TANC1: variants seen among roughly 807,000 people sequenced by gnomAD.
The protein encoded by TANC1 is tetratricopeptide repeat, ankyrin repeat and coiled-coil containing 1, also known as protein TANC1.
Under a neutral mutation model 149.7 loss-of-function variants are expected in TANC1, and 77 were observed. That is an observed-to-expected ratio of 0.51 (90% CI 0.43 to 0.62). The LOEUF (loss-of-function observed/expected upper bound fraction) is 0.62. TANC1 is among the 20% of genes least tolerant of loss of function. TANC1 has a pLI of 0.00. For synonymous variants in TANC1, 854 were observed against 925.0 expected (o/e 0.92, Z 1.39); for missense variants, 1,985 against 2,321.8 (o/e 0.85, Z 2.98).
intron 3 of TANC1, among the ~76,000 whole-genome samples, chr2:159,082,326 T>G (rs1434072363): frequency 6.6e-6 from 1 of 151,792 alleles, no homozygotes; most frequent in African/African-American, 2.4e-5. Context: ...GTCAGCAGAT[T>G]AAGTATTTTG....
chr2:159,106,212 C>G (rs573020169), intron 4 of TANC1, among the ~76,000 whole-genome samples: 19 of 152,144 alleles, frequency 1.2e-4, no homozygotes, highest in Non-Finnish European at 2.2e-4. Context: ...GTGCAACCAT[C>G]CCCACAGTCT....
Position 159,174,955 on chromosome 2 carries a change from G to A in TANC1, c.1506G>A (p.Val502=), listed in dbSNP as rs765633499. 1.2e-6 allele frequency: 2 copies of A among 1,613,488 alleles called. No individual in the cohort carries two copies. Among genetic ancestry groups the A allele is most frequent in the East Asian group, 2.2e-5 (1 of 44,880 alleles). ...CTGACGGTTCTGCTTCCCCCTAGGT[G>A]GTGGCCTACCACTACTGCCAGGCTG... ...EDAVKYLASK[V]VAYHYCQADN... is the part of the protein sequence containing the mutation. Residue 502 remains valine (V), a splice_region_variant and synonymous_variant, in exon 12 of 27, where the codon GTG becomes GTA. Transcript: ENST00000263635.
At chr2:159,120,117 C>T (rs2048695462) in intron 4 of TANC1, among the ~76,000 whole-genome samples, 1 of 152,186 alleles carries the variant, frequency 6.6e-6, no homozygotes, top group Non-Finnish European at 1.5e-5. Context: ...TCAGAGATAG[C>T]ATCTTTGTAC....
chr2:158,998,280 A>G (rs2036315759), intron 1 of TANC1, among the ~76,000 whole-genome samples: 1 of 152,088 alleles, frequency 6.6e-6, no homozygotes, highest in Non-Finnish European at 1.5e-5. Flanking sequence ...AGAAATGTAC[A>G]GTGAATACTG....
intron 2 of TANC1, among the ~76,000 whole-genome samples, chr2:159,030,161 GA>G (rs990309124): frequency 9.4e-5 from 14 of 148,882 alleles, no homozygotes; most frequent in South Asian, 4.3e-4. Context: ...TTCCCGGGGT[GA>G]AAAAAAAAAT....
In TANC1 at chr2:159,225,783, A is replaced by G. The variant is rs1359327998; in HGVS notation, c.3903+4A>G. 1.2e-6 allele frequency: 2 copies of G among 1,609,270 alleles called. No homozygotes were observed. The highest frequency in any genetic ancestry group is 3.3e-5 in the Admixed American group (2 of 59,952). ...GGAAGGAAATGTGATGTACAAAGTAAGTGGTTCCGCCCTTTTCTTTGCCAT... is the reference window on the plus strand; with the variant it reads ...GGAAGGAAATGTGATGTACAAAGTAGGTGGTTCCGCCCTTTTCTTTGCCAT... On this transcript the variant is annotated splice_donor_region_variant and intron_variant, in intron 24 of 26. Coordinates refer to ENST00000263635, the MANE Select transcript of TANC1 (RefSeq NM_033394.3).
intron 22 of TANC1, among the ~76,000 whole-genome samples, chr2:159,220,672 C>G (rs1396071455): frequency 6.6e-6 from 1 of 152,024 alleles, no homozygotes; most frequent in Non-Finnish European, 1.5e-5. Context: ...ATGACTGCAG[C>G]CTTGTTCTCC....
At chr2:159,124,746 T>G (rs1484241573) in intron 4 of TANC1, among the ~76,000 whole-genome samples, 1 of 152,170 alleles carries the variant, frequency 6.6e-6, no homozygotes, top group Admixed American at 6.5e-5. Context: ...AGCTGCATTT[T>G]TTTTTTTTCC....
At chr2:159,220,276 CTTTTT>C (rs201091730) in intron 22 of TANC1, among the ~76,000 whole-genome samples, 2 of 143,530 alleles carry the variant, frequency 1.4e-5, no homozygotes, top group African/African-American at 5.1e-5. Flanking sequence ...TACCTGGTTG[CTTTTT>C]TTTTTTAAGT....
chr2:159,090,162 T>C (rs955184514), intron 3 of TANC1, among the ~76,000 whole-genome samples: 1 of 152,182 alleles, frequency 6.6e-6, no homozygotes, highest in African/African-American at 2.4e-5. Flanking sequence ...AGACCCTCCA[T>C]GCATGTACAA....
chr2:159,137,439 G>C (rs1205430310), intron 5 of TANC1, among the ~76,000 whole-genome samples: 1 of 152,194 alleles, frequency 6.6e-6, no homozygotes, highest in South Asian at 2.1e-4. Context: ...TGCTATTGCA[G>C]GTGTCTTGGC....
intron 1 of TANC1, among the ~76,000 whole-genome samples, chr2:158,996,981 C>CA (rs1166208435): frequency 0.08 from 9,500 of 118,308 alleles, 790 homozygotes; most frequent in African/African-American, 0.23. Flanking sequence ...CAGACTGTGG[C>CA]AAAAAAAAAA....
intron 2 of TANC1, among the ~76,000 whole-genome samples, chr2:159,065,052 C>T (rs2042543565): frequency 6.6e-6 from 1 of 152,152 alleles, no homozygotes; most frequent in South Asian, 2.1e-4. Flanking sequence ...GGTTGTTCAG[C>T]CATCTCATCT....
At chr2:159,193,031 A>G (rs529545051) in intron 16 of TANC1, among the ~76,000 whole-genome samples, 18 of 152,350 alleles carry the variant, frequency 1.2e-4, no homozygotes, top group African/African-American at 3.8e-4. Context: ...TAAGTCTGCA[A>G]TTCAGTAGTG....
At chr2:159,055,603 A>G (rs2041791606) in intron 2 of TANC1, among the ~76,000 whole-genome samples, 1 of 151,816 alleles carries the variant, frequency 6.6e-6, no homozygotes, top group South Asian at 2.1e-4. Flanking sequence ...AAAGAACCAG[A>G]CTCTTTCAAC....
intron 3 of TANC1, among the ~76,000 whole-genome samples, chr2:159,067,991 A>G (rs2149705651): frequency 6.6e-6 from 1 of 152,292 alleles, no homozygotes; most frequent in African/African-American, 2.4e-5. Context: ...TCATTTCTTC[A>G]TAATAATTTC....
At position 159,149,322 on chromosome 2, in the gene TANC1, G is replaced by A. The variant is rs778537344; in HGVS notation, c.495+50G>A. ...TTGCATACCTCTTCAGAGGATGAAC[G>A]AAGCAATAACCATCTTCTCCCTTTC... On this transcript the variant is annotated intron_variant, in intron 6 of 26. Transcript: ENST00000263635. The A allele has an allele frequency of 2.2e-5, 35 of 1,611,848 alleles. 1 individual carries two copies. The Admixed American group carries it at 4.2e-4, about 19-fold the overall frequency.
intron 7 of TANC1, among the ~76,000 whole-genome samples, chr2:159,160,135 G>A (rs865847076): frequency 6.6e-6 from 1 of 152,148 alleles, no homozygotes; most frequent in South Asian, 2.1e-4. Context: ...AAAATTTAAG[G>A]CCTGATAAGT....
chr2:159,145,278 C>G (rs1419877527), intron 5 of TANC1, among the ~76,000 whole-genome samples: 1 of 152,160 alleles, frequency 6.6e-6, no homozygotes, highest in Non-Finnish European at 1.5e-5. Context: ...TACAAGCACA[C>G]TTGAAAATAG....
Sources: allele counts gnomAD v4.1 joint callset (sites outside exome capture counted in the v4.1 genomes callset), GRCh38; gene constraint gnomAD v4.1.1; transcripts MANE v1.5; gene names NCBI Gene and HGNC (gene_info 2026-07-23, HGNC 2026-07-21).